PGCKA1: variants seen among roughly 807,000 people sequenced by gnomAD.
PGCKA1 encodes PDCD10 and GCKIII kinases associated 1.
the PGCKA1 span, among the ~76,000 whole-genome samples, chr4:37,555,372 G>A: frequency 2.0e-3 from 305 of 152,264 alleles, no homozygotes; most frequent in African/African-American, 7.0e-3. Flanking sequence ...ATTATGTGAC[G>A]TTATCAATTC....
the PGCKA1 span, among the ~76,000 whole-genome samples, chr4:37,467,443 T>A: frequency 6.6e-6 from 1 of 152,210 alleles, no homozygotes; most frequent in African/African-American, 2.4e-5. Flanking sequence ...ACTGCCCTTC[T>A]TCTATCATAG....
chr4:37,505,213 A>G, the PGCKA1 span, among the ~76,000 whole-genome samples: 1 of 152,238 alleles, frequency 6.6e-6, no homozygotes, highest in Admixed American at 6.5e-5. Context: ...ATGATGTATC[A>G]CATTGGTTAA....
At chr4:37,535,508 A>T in the PGCKA1 span, among the ~76,000 whole-genome samples, 1 of 152,158 alleles carries the variant, frequency 6.6e-6, no homozygotes, top group Non-Finnish European at 1.5e-5. Context: ...GAGGAGCAGG[A>T]AGTGGGAAAG....
the PGCKA1 span, among the ~76,000 whole-genome samples, chr4:37,569,580 G>C: frequency 2.6e-5 from 4 of 152,186 alleles, no homozygotes; most frequent in African/African-American, 9.7e-5. Context: ...TAATTAGTTT[G>C]AGGAGTAAAA....
the PGCKA1 span, among the ~76,000 whole-genome samples, chr4:37,500,760 A>G: frequency 1.3e-5 from 2 of 152,172 alleles, no homozygotes; most frequent in Non-Finnish European, 2.9e-5. Flanking sequence ...ATCTAAGTCT[A>G]TTTGAATGTC....
At chr4:37,574,948 C>A in the PGCKA1 span, among the ~76,000 whole-genome samples, 1 of 150,278 alleles carries the variant, frequency 6.7e-6, no homozygotes, top group East Asian at 1.9e-4. Context: ...GGAGCTCATT[C>A]TTTTTCATGG....
the PGCKA1 span, among the ~76,000 whole-genome samples, chr4:37,501,456 A>G: frequency 1.3e-5 from 2 of 152,096 alleles, no homozygotes; most frequent in African/African-American, 4.8e-5. Context: ...GAGGTGGAAC[A>G]GTTTCATCCC....
At chr4:37,539,233 T>G in the PGCKA1 span, among the ~76,000 whole-genome samples, 3 of 152,156 alleles carry the variant, frequency 2.0e-5, no homozygotes, top group Non-Finnish European at 4.4e-5. Flanking sequence ...GGATGTTACG[T>G]GAAAAATGTT....
chr4:37,481,484 AAAAAAAAAAAAAAAAAG>A, the PGCKA1 span, among the ~76,000 whole-genome samples: 26 of 75,652 alleles, frequency 3.4e-4, 1 homozygote, highest in Admixed American at 9.3e-4. Flanking sequence ...AAAAAAAAAA[AAAAAAAAAAAAAAAAAG>A]AAGTCCAAGA....
the PGCKA1 span, among the ~76,000 whole-genome samples, chr4:37,566,099 A>C: frequency 6.6e-6 from 1 of 151,996 alleles, no homozygotes; most frequent in Non-Finnish European, 1.5e-5. Flanking sequence ...TTAACACTTA[A>C]TATTACCTCC....
At chr4:37,530,488 C>T in the PGCKA1 span, among the ~76,000 whole-genome samples, 15 of 146,934 alleles carry the variant, frequency 1.0e-4, no homozygotes, top group South Asian at 1.7e-3. Flanking sequence ...GCACAAGAAT[C>T]GCTTGAACCC....
the PGCKA1 span, among the ~76,000 whole-genome samples, chr4:37,509,434 A>C: frequency 1.5e-5 from 2 of 133,392 alleles, no homozygotes; most frequent in Admixed American, 7.2e-5. Context: ...CCCACATCTC[A>C]GACAATGGGC....
the PGCKA1 span, among the ~76,000 whole-genome samples, chr4:37,541,524 G>A: frequency 6.6e-6 from 1 of 152,162 alleles, no homozygotes; most frequent in Non-Finnish European, 1.5e-5. Flanking sequence ...GCCCCTCTTA[G>A]GGGCCTCCCT....
At chr4:37,483,541 T>A in the PGCKA1 span, among the ~76,000 whole-genome samples, 2 of 152,260 alleles carry the variant, frequency 1.3e-5, no homozygotes, top group East Asian at 3.9e-4. Context: ...TGAGTCCCAA[T>A]ACATGCTACG....
At chr4:37,483,833 C>T in the PGCKA1 span, among the ~76,000 whole-genome samples, 1 of 152,182 alleles carries the variant, frequency 6.6e-6, no homozygotes, top group Non-Finnish European at 1.5e-5. Flanking sequence ...AGCCAGGTCT[C>T]ATCTATGTGG....
the PGCKA1 span, among the ~76,000 whole-genome samples, chr4:37,587,292 T>C: frequency 7.9e-5 from 12 of 152,148 alleles, no homozygotes; most frequent in South Asian, 2.1e-4. Context: ...CTTAATCACA[T>C]CTGCAAATAC....
At chr4:37,476,969 C>T in the PGCKA1 span, among the ~76,000 whole-genome samples, 1 of 152,052 alleles carries the variant, frequency 6.6e-6, no homozygotes, top group African/African-American at 2.4e-5. Flanking sequence ...TATGGTGCAT[C>T]CATGTTGGGA....
the PGCKA1 span, among the ~76,000 whole-genome samples, chr4:37,481,577 T>C: frequency 7.9e-5 from 12 of 151,084 alleles, 2 homozygotes; most frequent in East Asian, 1.2e-3. Context: ...GGCCACCCTT[T>C]TGCCGACTCT....
chr4:37,585,621 A>G, the PGCKA1 span, among the ~76,000 whole-genome samples: 108 of 8,382 alleles, frequency 0.013, 16 homozygotes, highest in African/African-American at 0.029. Flanking sequence ...TTGAGGAAGG[A>G]GAGGGGTGAG....
Sources: gnomAD v4.1 joint callset for allele counts (sites outside exome capture counted in the v4.1 genomes callset) on GRCh38, gnomAD v4.1.1 for gene constraint, MANE v1.5 for transcripts, NCBI Gene and HGNC (gene_info 2026-07-23, HGNC 2026-07-21) for gene names.